PEAK1: variants seen among roughly 807,000 people sequenced by gnomAD.
PEAK1 encodes the protein pseudopodium enriched atypical kinase 1.
In PEAK1, 54 loss-of-function variants were observed where a neutral mutation model predicts 124.7. That is an observed-to-expected ratio of 0.43 (90% CI 0.35 to 0.54). PEAK1 has a LOEUF of 0.54. Among genes scored for constraint, PEAK1 ranks in the 20% least tolerant of loss-of-function variants. The pLI, the probability that PEAK1 is intolerant of heterozygous loss-of-function variation, is 0.01. For missense variants in PEAK1, 2,046 were observed against 2,134.5 expected (o/e 0.96, Z 0.82); for synonymous variants, 719 against 760.0 (o/e 0.95, Z 0.89).
chr15:77,182,748 T>TAAAAAAAAAAA (rs1390843665), intron 6 of PEAK1, among the ~76,000 whole-genome samples: 1 of 12,918 alleles, frequency 7.7e-5, no homozygotes, highest in African/African-American at 1.8e-4. Flanking sequence ...AGACCTTGTC[T>TAAAAAAAAAAA]CAAAAAAAAA....
rs770697008 is a variant in PEAK1 at position 77,181,031 on chromosome 15, T to C, written c.896A>G (p.Lys299Arg). The change falls in exon 7 of 10, where the codon AAG becomes AGG. Residue 299 changes from lysine (K) to arginine (R), a missense_variant. Physicochemically the swap from Lys to Arg is conservative, Grantham distance 26. Coordinates refer to ENST00000682557, the MANE Select transcript of PEAK1 (RefSeq NM_001385026.1). ...KKWNTIPLRNKSLQRICAVDY... is the reference protein window; with the variant it reads ...KKWNTIPLRNRSLQRICAVDY... ...CACAGCACAGATTCTCTGCAGAGAC[T>C]TGTTTCGCAGGGGGATGGTATTCCA... 1 of 1,614,212 alleles carries C rather than the reference T, an allele frequency of 6.2e-7. No homozygotes were observed. The highest frequency in any genetic ancestry group is 1.1e-5 in the South Asian group (1 of 91,078).
chr15:77,335,702 G>A, intron 2 of PEAK1: 1 of 878,002 alleles, frequency 1.1e-6, no homozygotes, highest in Non-Finnish European at 1.4e-6. Context: ...TGTTGCCCAG[G>A]CTGGTCTCAA....
At chr15:77,337,082 A>G (rs973432881) in intron 2 of PEAK1, 3 of 962,914 alleles carry the variant, frequency 3.1e-6, no homozygotes, top group Non-Finnish European at 3.7e-6. Context: ...GAAAAAGAGA[A>G]GACAACAAAG....
At chr15:77,409,911 T>G (rs778422030) in intron 1 of PEAK1, among the ~76,000 whole-genome samples, 2 of 152,160 alleles carry the variant, frequency 1.3e-5, no homozygotes, top group Non-Finnish European at 2.9e-5. Context: ...GAAACTAACA[T>G]AAAGTCACAT....
At chr15:77,266,572 A>G (rs75828219) in intron 5 of PEAK1, among the ~76,000 whole-genome samples, 4,976 of 152,324 alleles carry the variant, frequency 0.033, 273 homozygotes, top group African/African-American at 0.11. Context: ...CAAAATGTCT[A>G]GGTTTTGATT....
rs187611384 is a variant in PEAK1, at chr15:77,286,925, T to G, written c.-602-421A>C. On this transcript the variant is annotated intron_variant, in intron 2 of 9. Coordinates refer to ENST00000682557, the MANE Select transcript of PEAK1 (RefSeq NM_001385026.1). ...GGTGAGTGGTGAGTTATATAAAACT[T>G]TGATAATCCAAAAGAAGCTATAAAT... Among the ~76,000 whole-genome samples the G allele has an allele frequency of 2.3e-3, 351 of 152,262 alleles. 3 individuals are homozygous for G. The highest frequency in any genetic ancestry group is 7.8e-3 in the African/African-American group (326 of 41,544).
At chr15:77,178,565 G>A in intron 7 of PEAK1, 1 of 536,382 alleles carries the variant, frequency 1.9e-6, no homozygotes. Context: ...CCAGAATGCA[G>A]TAGGCTACTT....
chr15:77,135,084 G>C (rs573131329), intron 8 of PEAK1, among the ~76,000 whole-genome samples: 22 of 152,256 alleles, frequency 1.4e-4, no homozygotes, highest in African/African-American at 4.8e-4. Flanking sequence ...GTCTCAGAGG[G>C]AACACAGTCC....
intron 5 of PEAK1, among the ~76,000 whole-genome samples, chr15:77,263,300 A>T (rs1231125743): frequency 2.6e-5 from 4 of 152,174 alleles, no homozygotes; most frequent in Non-Finnish European, 5.9e-5. Context: ...CTTCAAAAAA[A>T]TCAATGAATC....
chr15:77,216,611 T>C (rs759006450), intron 6 of PEAK1, among the ~76,000 whole-genome samples: 19 of 152,208 alleles, frequency 1.2e-4, no homozygotes, highest in Non-Finnish European at 2.4e-4. Context: ...ATGCTGAAGA[T>C]AAAGCCTGCA....
At chr15:77,391,622 G>A (rs2070465970) in intron 1 of PEAK1, among the ~76,000 whole-genome samples, 1 of 151,556 alleles carries the variant, frequency 6.6e-6, no homozygotes, top group African/African-American at 2.4e-5. Context: ...TAAGATAACA[G>A]TACCCACCAG....
chr15:77,389,894 A>G (rs1197032644), intron 1 of PEAK1, among the ~76,000 whole-genome samples: 1 of 152,212 alleles, frequency 6.6e-6, no homozygotes, highest in East Asian at 1.9e-4. Context: ...TCACAATTCC[A>G]AGCAGAAATG....
chr15:77,290,916 A>C (rs1274886377), intron 2 of PEAK1, among the ~76,000 whole-genome samples: 1 of 152,140 alleles, frequency 6.6e-6, no homozygotes, highest in African/African-American at 2.4e-5. Context: ...GCCACCCCAA[A>C]CTGAAGAATC....
In PEAK1 at chr15:77,179,536, A is replaced by G; in HGVS notation, c.2391T>C (p.Tyr797=). The G allele has an allele frequency of 6.2e-7, 1 of 1,614,150 alleles. No homozygotes were observed. The highest frequency in any genetic ancestry group is 1.3e-5 in the African/African-American group (1 of 75,040). The part of the protein sequence containing the change: ...GPKACSVEEL[Y]AIPPDADVAK... ...CAACATCAGCATCTGGAGGAATGGC[A>G]TAAAGCTCTTCCACACTGCAAGCTT... The change falls in exon 7 of 10, where the codon TAT becomes TAC. Residue 797 remains tyrosine (Y), a synonymous_variant. Transcript: ENST00000682557.
intron 1 of PEAK1, among the ~76,000 whole-genome samples, chr15:77,398,763 G>A (rs898279945): frequency 6.6e-6 from 1 of 152,114 alleles, no homozygotes; most frequent in East Asian, 1.9e-4. Flanking sequence ...GTCCTAGCTA[G>A]AGCAATCAGA....
chr15:77,248,726 A>G (rs2060706339), intron 6 of PEAK1, among the ~76,000 whole-genome samples: 1 of 152,228 alleles, frequency 6.6e-6, no homozygotes, highest in Admixed American at 6.5e-5. Flanking sequence ...TTTAGGCCCA[A>G]TGGACTAAGA....
intron 6 of PEAK1, among the ~76,000 whole-genome samples, chr15:77,236,510 T>C (rs2064122354): frequency 6.6e-6 from 1 of 152,188 alleles, no homozygotes; most frequent in African/African-American, 2.4e-5. Flanking sequence ...CATTGTAACT[T>C]GGAAGGAACT....
At chr15:77,184,347 T>C (rs969606084) in intron 6 of PEAK1, among the ~76,000 whole-genome samples, 9 of 150,566 alleles carry the variant, frequency 6.0e-5, no homozygotes, top group South Asian at 2.1e-4. Context: ...TGTGAAGCAA[T>C]TGAAACTCAT....
At chr15:77,333,231 T>C (rs543413638) in intron 2 of PEAK1, 2 of 913,628 alleles carry the variant, frequency 2.2e-6, no homozygotes, top group Non-Finnish European at 2.6e-6. Flanking sequence ...GCCATCCTCC[T>C]TTCTCAGCCT....
Sources: allele counts gnomAD v4.1 joint callset (sites outside exome capture counted in the v4.1 genomes callset), GRCh38; gene constraint gnomAD v4.1.1; transcripts MANE v1.5; gene names NCBI Gene and HGNC (gene_info 2026-07-23, HGNC 2026-07-21).